The following DRICH1 variants were observed in gnomAD, a reference collection of about 807,000 sequenced individuals.
DRICH1 encodes the protein aspartate-rich protein 1.
Under a neutral mutation model 39.5 loss-of-function variants are expected in DRICH1, and 38 were observed. That is an observed-to-expected ratio of 0.96 (90% CI 0.74 to 1.26). The LOEUF (loss-of-function observed/expected upper bound fraction) is 1.26, where lower values mean the gene tolerates loss of function less well. Among genes scored for constraint, DRICH1 ranks in the 50% most tolerant of loss-of-function variants. The probability of loss-of-function intolerance (pLI) is 0.00; values close to 1 mark genes in which losing one functional copy is unlikely to be tolerated. For synonymous variants in DRICH1, 84 were observed against 99.5 expected, an observed-to-expected ratio of 0.84 and a Z score of 0.93; for missense variants, 279 against 270.4, an observed-to-expected ratio of 1.03 and a Z score of -0.22.
downstream of DRICH1, among the ~76,000 whole-genome samples, chr22:23,606,769 C>T (rs1176795505): frequency 6.6e-6 from 1 of 152,172 alleles, no homozygotes; most frequent in East Asian, 1.9e-4. Context: ...CGGCAGATGC[C>T]CCCTGAGATG....
chr22:23,586,598 C>T, the DRICH1 span, among the ~76,000 whole-genome samples: 7 of 152,198 alleles, frequency 4.6e-5, no homozygotes, highest in Admixed American at 1.3e-4. Context: ...GGCTGGAGTG[C>T]AATGGCAGAA....
At chr22:23,603,143 T>C in the DRICH1 span, among the ~76,000 whole-genome samples, 1 of 151,960 alleles carries the variant, frequency 6.6e-6, no homozygotes, top group South Asian at 2.1e-4. Context: ...ACATTAAGAA[T>C]TTTTAGCTGA....
Position 23,617,669 on chromosome 22 carries a change from C to T in DRICH1, c.437-12G>A. ...GTCCTCAGAAGAACCTGGAAGCACA[C>T]AGAGGAAAGATCCGTGCCCTGGTTG... On this transcript the variant is annotated splice_polypyrimidine_tract_variant and intron_variant, in intron 6 of 11. Coordinates refer to ENST00000317749, the MANE Select transcript of DRICH1 (RefSeq NM_016449.4). 1.2e-6 allele frequency: 2 copies of T among 1,613,594 alleles called. No individual in the cohort carries two copies. Among genetic ancestry groups the T allele is most frequent in the Non-Finnish European group, 1.7e-6 (2 of 1,179,654 alleles).
At chr22:23,593,786 C>T in the DRICH1 span, among the ~76,000 whole-genome samples, 1 of 151,740 alleles carries the variant, frequency 6.6e-6, no homozygotes, top group Non-Finnish European at 1.5e-5. Flanking sequence ...CAGAGCAAGA[C>T]TCCATCTCAA....
downstream of DRICH1, among the ~76,000 whole-genome samples, chr22:23,605,901 C>T (rs1270691867): frequency 1.3e-5 from 2 of 151,840 alleles, no homozygotes; most frequent in Non-Finnish European, 2.9e-5. Flanking sequence ...GCCAACATGG[C>T]GAAATGCCAT....
Position 23,608,468 on chromosome 22 carries a change from C to T in DRICH1, c.*296G>A, listed in dbSNP as rs945306507. ...GCACCTGAATAAATGCACTCAGTCT[C>T]TTTATTTCAAGTGGGAATGGCACTT... On this transcript the variant is annotated 3_prime_UTR_variant, in exon 12 of 12. Coordinates refer to ENST00000317749, the MANE Select transcript of DRICH1 (RefSeq NM_016449.4). 10 of 488,054 alleles carry T rather than the reference C, an allele frequency of 2.0e-5. No individual in the cohort carries two copies. Among genetic ancestry groups the T allele is most frequent in the African/African-American group, 1.7e-4 (9 of 52,468 alleles). The allele number at this position is 488,054 out of a possible 1,614,324, so 30.2% of individuals were successfully genotyped here. A position where few individuals can be genotyped will look rare whatever the true frequency, so the allele number is the denominator to read the frequency against.
the DRICH1 span, among the ~76,000 whole-genome samples, chr22:23,592,550 G>A: frequency 1 from 152,170 of 152,256 alleles, 76,042 homozygotes; most frequent in Middle Eastern, 1. Flanking sequence ...AGCAAGTGCT[G>A]CTGGGTGGCC....
At chr22:23,624,267 C>T in intron 3 of DRICH1, 1 of 985,356 alleles carries the variant, frequency 1.0e-6, no homozygotes, top group Non-Finnish European at 1.2e-6. Context: ...AAACCACAGG[C>T]TCTGAGATTT....
chr22:23,592,229 G>A, the DRICH1 span, among the ~76,000 whole-genome samples: 1 of 152,216 alleles, frequency 6.6e-6, no homozygotes, highest in Admixed American at 6.5e-5. Context: ...GACCCCATCA[G>A]GCTAGCAGGG....
chr22:23,582,000 T>C, the DRICH1 span, among the ~76,000 whole-genome samples: 4 of 151,952 alleles, frequency 2.6e-5, no homozygotes, highest in African/African-American at 4.8e-5. Flanking sequence ...TTTTTCTTTT[T>C]TCAGAGTCTT....
chr22:23,626,616 T>C (rs575991672), intron 1 of DRICH1, among the ~76,000 whole-genome samples: 52 of 152,130 alleles, frequency 3.4e-4, no homozygotes, highest in East Asian at 5.8e-4. Context: ...ATGGTGTCCA[T>C]TGGCCAATCA....
At chr22:23,613,052 G>C (rs1181212940) in intron 11 of DRICH1, among the ~76,000 whole-genome samples, 1 of 152,176 alleles carries the variant, frequency 6.6e-6, no homozygotes, top group Non-Finnish European at 1.5e-5. Context: ...GCACAAAAGA[G>C]CAGGTGCACT....
chr22:23,621,562 G>A (rs1449486614), intron 4 of DRICH1, among the ~76,000 whole-genome samples: 10 of 152,114 alleles, frequency 6.6e-5, no homozygotes, highest in Non-Finnish European at 4.4e-5. Flanking sequence ...AAACTGTGCT[G>A]GGTGTGTCTG....
At chr22:23,621,467 A>G (rs1259126569) in intron 4 of DRICH1, among the ~76,000 whole-genome samples, 2 of 151,926 alleles carry the variant, frequency 1.3e-5, no homozygotes, top group Non-Finnish European at 2.9e-5. Context: ...AATATGTGAC[A>G]CCCACGAAGA....
chr22:23,620,595 C>T lies in DRICH1; in HGVS notation c.405G>A (p.Gln135=). 1 of 1,613,854 alleles carries T rather than the reference C, an allele frequency of 6.2e-7. No homozygotes were observed. Among genetic ancestry groups the T allele is most frequent in the South Asian group, 1.1e-5 (1 of 91,074 alleles). The part of the protein sequence containing the change: ...DDAQILPSRV[Q]GGCYRFDSSS... ...AGTGAGTTAGTTCAAGGTACATACCCTGGACACGTGACGGTAAAATCTGCA... is the reference window on the plus strand; with the variant it reads ...AGTGAGTTAGTTCAAGGTACATACCTTGGACACGTGACGGTAAAATCTGCA... The change falls in exon 5 of 12, where the codon CAG becomes CAA. Residue 135 remains glutamine (Q), a splice_region_variant and synonymous_variant. Coordinates refer to ENST00000317749, the MANE Select transcript of DRICH1 (RefSeq NM_016449.4).
At position 23,613,648 on chromosome 22, in the gene DRICH1, T is replaced by C. The variant is rs757043731; in HGVS notation, c.634A>G (p.Ile212Val). 6.2e-7 allele frequency: 1 copy of C among 1,605,380 alleles called. No individual in the cohort carries two copies. Among genetic ancestry groups the C allele is most frequent in the Admixed American group, 1.7e-5 (1 of 59,560 alleles). Residue 212 changes from isoleucine to valine, a missense_variant, in exon 10 of 12, where the codon ATA (isoleucine) becomes GTA (valine). By Grantham distance (29) the Ile-to-Val change is conservative (BLOSUM62 3). Coordinates refer to ENST00000317749, the MANE Select transcript of DRICH1 (RefSeq NM_016449.4). ...DDDDIHITARIESDLTLESLS... is the reference protein window; with the variant it reads ...DDDDIHITARVESDLTLESLS... ...ATCTCATGGTACATACCACTTTCTATCCGAGCTGTTATCTGCAATTATATA... is the reference window on the plus strand; with the variant it reads ...ATCTCATGGTACATACCACTTTCTACCCGAGCTGTTATCTGCAATTATATA...
At position 23,612,482 on chromosome 22, in the gene DRICH1, GA is replaced by G. The variant is rs931741243; in HGVS notation, c.685+806del. On this transcript the variant is annotated intron_variant, in intron 11 of 11. Coordinates refer to ENST00000317749, the MANE Select transcript of DRICH1 (RefSeq NM_016449.4). ...ACTCCATCTCAAAAAAAAAAAAAAA[GA>G]AAAAAAAAAGTCTAGAACTTAAGTG... is the stretch of plus-strand genomic sequence containing the variant. Among the ~76,000 whole-genome samples the G allele has an allele frequency of 3.6e-4, 43 of 120,938 alleles. 1 individual carries two copies. The highest frequency in any genetic ancestry group is 1.3e-3 in the South Asian group (5 of 3,898). 79.3% of individuals were successfully genotyped at this position (120,938 alleles called of 152,430 possible). A position where few individuals can be genotyped will look rare whatever the true frequency, so the allele number is the denominator to read the frequency against.
chr22:23,627,989 C>T (rs1322594783), intron 1 of DRICH1, among the ~76,000 whole-genome samples: 2 of 152,192 alleles, frequency 1.3e-5, no homozygotes, highest in Non-Finnish European at 2.9e-5. Context: ...ACAGTCACTG[C>T]CCTGGCAGGA....
At chr22:23,593,880 AAGG>A in the DRICH1 span, among the ~76,000 whole-genome samples, 1 of 151,910 alleles carries the variant, frequency 6.6e-6, no homozygotes, top group African/African-American at 2.4e-5. Flanking sequence ...CTGGAGGCTG[AAGG>A]AGGAGAATCG....
Sources: allele counts gnomAD v4.1 joint callset (sites outside exome capture counted in the v4.1 genomes callset), GRCh38; gene constraint gnomAD v4.1.1; transcripts MANE v1.5; gene names NCBI Gene and HGNC (gene_info 2026-07-23, HGNC 2026-07-21).